Variants in EYS observed in about 807,000 individuals in gnomAD.
EYS encodes the protein protein eyes shut homolog.
A neutral mutation model predicts 282.1 loss-of-function variants in EYS; 250 were observed. That is an observed-to-expected ratio of 0.89 (90% CI 0.80 to 0.98). EYS has a LOEUF of 0.98. EYS is among the 50% of genes least tolerant of loss of function. The probability of loss-of-function intolerance (pLI) is 0.00; values close to 1 mark genes in which losing one functional copy is unlikely to be tolerated. For synonymous variants in EYS, 1,355 were observed against 1,282.9 expected, an observed-to-expected ratio of 1.06 and a Z score of -1.20; for missense variants, 4,016 against 3,709.0, an observed-to-expected ratio of 1.08 and a Z score of -2.15.
chr6:64,902,535 T>A (rs923342013), intron 16 of EYS, 35 bp from the exon 17 acceptor site: 2 of 1,273,072 alleles, frequency 1.6e-6, no homozygotes, highest in Non-Finnish European at 2.2e-6. Flanking sequence ...GGATGAGCAA[T>A]CCTTGTTATA....
intron 19 of EYS, among the ~76,000 whole-genome samples, chr6:64,823,860 A>G (rs1465264617): frequency 6.6e-6 from 1 of 151,954 alleles, no homozygotes; most frequent in Admixed American, 6.6e-5. Context: ...TATGCTGAGT[A>G]ATACCGTGGA....
rs1318388190 is a variant in EYS, at chr6:64,703,423, A to ATTT, written c.3444-77179_3444-77178insAAA. ...CACACACACACACATATATATATAT[A>ATTT]TATATATTTTTTTTTTTTTTTTTTG... On this transcript the variant is annotated intron_variant, in intron 22 of 42. Transcript: ENST00000503581. Among the ~76,000 whole-genome samples the ATTT allele has an allele frequency of 2.4e-4, 6 of 25,108 alleles. 1 individual carries two copies. The highest frequency in any genetic ancestry group is 4.4e-4 in the Non-Finnish European group (4 of 9,032). The allele number at this position is 25,108 out of a possible 152,430, so 16.5% of individuals were successfully genotyped here. A position where few individuals can be genotyped will look rare whatever the true frequency, so the allele number is the denominator to read the frequency against.
intron 22 of EYS, among the ~76,000 whole-genome samples, chr6:64,810,327 A>G (rs1054215780): frequency 2.0e-5 from 3 of 152,110 alleles, no homozygotes; most frequent in Admixed American, 6.6e-5. Flanking sequence ...TCTGTGAAAG[A>G]AATGAATCAA....
At chr6:64,390,190 C>T (rs934735449) in intron 28 of EYS, among the ~76,000 whole-genome samples, 1 of 152,112 alleles carries the variant, frequency 6.6e-6, no homozygotes, top group African/African-American at 2.4e-5. Flanking sequence ...GGCAGCGAGG[C>T]TGGGGGAGGG....
intron 2 of EYS, among the ~76,000 whole-genome samples, chr6:65,502,640 G>C (rs1319949243): frequency 6.6e-6 from 1 of 151,308 alleles, no homozygotes; most frequent in Non-Finnish European, 1.5e-5. Flanking sequence ...TCCTATTCAG[G>C]CTACTACATT....
At chr6:65,108,867 GT>G (rs1017631268) in intron 12 of EYS, among the ~76,000 whole-genome samples, 4 of 151,656 alleles carry the variant, frequency 2.6e-5, no homozygotes, top group African/African-American at 9.7e-5. Context: ...TGAGATCAGT[GT>G]TTTTTTTCTT....
At chr6:64,120,359 A>T (rs1469611159) in intron 31 of EYS, among the ~76,000 whole-genome samples, 1 of 55,942 alleles carries the variant, frequency 1.8e-5, no homozygotes, top group Non-Finnish European at 3.3e-5. Context: ...CCATCTCTTA[A>T]AAAAAAAAAA....
At chr6:64,778,006 A>G (rs1033045268) in intron 22 of EYS, among the ~76,000 whole-genome samples, 1 of 152,138 alleles carries the variant, frequency 6.6e-6, no homozygotes, top group African/African-American at 2.4e-5. Context: ...TCCCTTTTAA[A>G]TTATCTAGTT....
chr6:64,761,774 G>A (rs183100617), intron 22 of EYS, among the ~76,000 whole-genome samples: 202 of 152,132 alleles, frequency 1.3e-3, no homozygotes, highest in African/African-American at 4.3e-3. Flanking sequence ...TAAATTCTTC[G>A]AGGACTAAAG....
intron 26 of EYS, among the ~76,000 whole-genome samples, chr6:64,502,412 G>C (rs1057396281): frequency 6.6e-6 from 1 of 151,994 alleles, no homozygotes; most frequent in Non-Finnish European, 1.5e-5. Context: ...TAGTAGAGAC[G>C]GGGTTTCACC....
chr6:64,045,099 T>C (rs1163881976), intron 33 of EYS, among the ~76,000 whole-genome samples: 1 of 152,162 alleles, frequency 6.6e-6, no homozygotes, highest in Non-Finnish European at 1.5e-5. Context: ...AGGCCATTCA[T>C]AGAACAAACA....
intron 28 of EYS, among the ~76,000 whole-genome samples, chr6:64,411,918 C>CATGAATATATGTATATATGTGTATAT (rs1773906407): frequency 6.6e-6 from 1 of 150,866 alleles, no homozygotes; most frequent in Non-Finnish European, 1.5e-5. Context: ...TTTATATATG[C>CATGAATATATGTATATATGTGTATAT]ATGCATGTAT....
At chr6:63,789,612 A>G (rs1249856562) in intron 37 of EYS, among the ~76,000 whole-genome samples, 1 of 152,272 alleles carries the variant, frequency 6.6e-6, no homozygotes. Context: ...ATGACCTAGC[A>G]TCAGCTTTGA....
chr6:65,587,307 C>T (rs762564323), intron 2 of EYS, among the ~76,000 whole-genome samples: 4 of 151,820 alleles, frequency 2.6e-5, no homozygotes, highest in Non-Finnish European at 5.9e-5. Context: ...CAGTTGTGTC[C>T]CCACCCAAAT....
intron 12 of EYS, among the ~76,000 whole-genome samples, chr6:65,290,543 C>A (rs1193736483): frequency 6.6e-6 from 1 of 151,096 alleles, no homozygotes; most frequent in African/African-American, 2.4e-5. Context: ...AAATTCTTAG[C>A]AAATCCTAAG....
At chr6:64,170,659 G>A (rs1764452117) in intron 31 of EYS, among the ~76,000 whole-genome samples, 1 of 149,216 alleles carries the variant, frequency 6.7e-6, no homozygotes, top group South Asian at 2.2e-4. Flanking sequence ...AATCTAGTAT[G>A]ACATTATCTA....
chr6:64,653,205 C>A (rs1265685585), intron 22 of EYS, among the ~76,000 whole-genome samples: 3 of 152,052 alleles, frequency 2.0e-5, no homozygotes, highest in Admixed American at 1.3e-4. Flanking sequence ...CCTGATGCTA[C>A]CAAAAGCTAC....
intron 22 of EYS, among the ~76,000 whole-genome samples, chr6:64,707,911 A>T (rs750275355): frequency 7.2e-5 from 11 of 152,116 alleles, no homozygotes; most frequent in Non-Finnish European, 1.2e-4. Context: ...ACCTATTTTT[A>T]AAAAAGTATG....
intron 30 of EYS, among the ~76,000 whole-genome samples, chr6:64,248,962 A>G (rs769773109): frequency 5.8e-4 from 87 of 150,804 alleles, no homozygotes; most frequent in Non-Finnish European, 9.0e-4. Flanking sequence ...AGGCTGAGAC[A>G]TGAGAATAGC....
Sources: gnomAD v4.1 joint callset for allele counts (sites outside exome capture counted in the v4.1 genomes callset) on GRCh38, gnomAD v4.1.1 for gene constraint, MANE v1.5 for transcripts, NCBI Gene and HGNC (gene_info 2026-07-23, HGNC 2026-07-21) for gene names.